The following RBM19 variants were observed in gnomAD, a reference collection of about 807,000 sequenced individuals.
The protein encoded by RBM19 is probable RNA-binding protein 19.
Under a neutral mutation model 116.8 loss-of-function variants are expected in RBM19, and 94 were observed. That is an observed-to-expected ratio of 0.80 (90% CI 0.68 to 0.95). The LOEUF is 0.95. Among genes scored for constraint, RBM19 ranks in the 40% least tolerant of loss-of-function variants. The pLI, the probability that RBM19 is intolerant of heterozygous loss-of-function variation, is 0.00. For missense variants in RBM19, 1,161 were observed against 1,220.7 expected, an observed-to-expected ratio of 0.95 and a Z score of 0.73; for synonymous variants, 475 against 494.1, an observed-to-expected ratio of 0.96 and a Z score of 0.51.
chr12:113,914,101 G>A (rs528622182), intron 21 of RBM19, among the ~76,000 whole-genome samples: 1 of 152,360 alleles, frequency 6.6e-6, no homozygotes, highest in African/African-American at 2.4e-5. Context: ...TCACCAACTA[G>A]GGGCCCTGGG....
chr12:113,929,260 C>T (rs1869392551), intron 16 of RBM19, among the ~76,000 whole-genome samples: 1 of 152,220 alleles, frequency 6.6e-6, no homozygotes, highest in East Asian at 1.9e-4. Flanking sequence ...CTAATGCTTT[C>T]AAGTCCTAAT....
intron 21 of RBM19, among the ~76,000 whole-genome samples, chr12:113,864,123 G>A (rs28583297): frequency 1.6e-4 from 24 of 152,298 alleles, no homozygotes; most frequent in African/African-American, 5.8e-4. Flanking sequence ...CTTGCCCAAG[G>A]TTCCATGGGC....
chr12:113,930,718 C>T (rs1156337761), intron 16 of RBM19, among the ~76,000 whole-genome samples: 1 of 152,216 alleles, frequency 6.6e-6, no homozygotes, highest in Non-Finnish European at 1.5e-5. Flanking sequence ...ACCCCGGAGA[C>T]GTCCGTTCTT....
At chr12:113,833,249 G>T (rs1875588723) in intron 23 of RBM19, among the ~76,000 whole-genome samples, 1 of 152,156 alleles carries the variant, frequency 6.6e-6, no homozygotes, top group Non-Finnish European at 1.5e-5. Flanking sequence ...TTTTTCTCCT[G>T]CCTTCCAGAA....
intron 21 of RBM19, among the ~76,000 whole-genome samples, chr12:113,870,953 G>C (rs1249396584): frequency 6.6e-6 from 1 of 152,186 alleles, no homozygotes; most frequent in Non-Finnish European, 1.5e-5. Flanking sequence ...CTCTATGACA[G>C]GGGCCCTCCA....
intron 1 of RBM19, among the ~76,000 whole-genome samples, chr12:113,965,109 C>T (rs964900490): frequency 6.6e-6 from 1 of 151,598 alleles, no homozygotes; most frequent in Non-Finnish European, 1.5e-5. Flanking sequence ...CATGTCTCTA[C>T]TAAAAATAAA....
chr12:113,858,956 A>T (rs1177576695), intron 21 of RBM19, 60 bp from the exon 22 acceptor site: 8 of 1,462,840 alleles, frequency 5.5e-6, no homozygotes, highest in African/African-American at 1.4e-5. Flanking sequence ...GGAGGTCGGG[A>T]AGGCAGGACT....
At chr12:113,817,610 C>T (rs1286856419), downstream of RBM19, 2 of 152,280 alleles carry the variant, frequency 1.3e-5, no homozygotes, top group African/African-American at 2.4e-5. Flanking sequence ...GGCAGACCTC[C>T]GGGCCTGGCT....
chr12:113,895,512 CAG>C (rs773043439), intron 21 of RBM19, among the ~76,000 whole-genome samples: 38 of 152,202 alleles, frequency 2.5e-4, no homozygotes, highest in Non-Finnish European at 4.0e-4. Context: ...AGACACATGT[CAG>C]AGAGGGGAAG....
intron 15 of RBM19, 66 bp from the exon 16 acceptor site, chr12:113,937,202 T>A: frequency 6.3e-7 from 1 of 1,578,374 alleles, no homozygotes; most frequent in African/African-American, 1.4e-5. Context: ...AGGGACTCAG[T>A]CCCATGCAGA....
chr12:113,853,297 C>A (rs1593485006), intron 22 of RBM19, among the ~76,000 whole-genome samples: 1 of 152,332 alleles, frequency 6.6e-6, no homozygotes, highest in South Asian at 2.1e-4. Context: ...GCTCTGCCTG[C>A]CAACGCCAAC....
intron 13 of RBM19, among the ~76,000 whole-genome samples, chr12:113,942,767 C>A (rs1870691676): frequency 2.0e-5 from 3 of 152,096 alleles, no homozygotes; most frequent in Admixed American, 2.0e-4. Context: ...CACCCCACCA[C>A]TTCCAGCTCA....
chr12:113,849,874 G>A (rs1161069205), intron 22 of RBM19, among the ~76,000 whole-genome samples: 1 of 152,194 alleles, frequency 6.6e-6, no homozygotes, highest in Admixed American at 6.5e-5. Context: ...AGTGTGACCA[G>A]GGCTCCCTTG....
In RBM19 at chr12:113,892,618, C is replaced by T. The variant is rs111954965; in HGVS notation, c.2558+22351G>A. Among the ~76,000 whole-genome samples, 796 of 152,142 alleles carry T rather than the reference C, an allele frequency of 5.2e-3. 7 individuals carry two copies. Among genetic ancestry groups the T allele is most frequent in the African/African-American group, 0.018 (742 of 41,500 alleles). ...AGTATTGTCCTGGCTTCGTTTAATGCGATTAGGTTTTTAAAAGGGTCAGCT... is the reference window on the plus strand; with the variant it reads ...AGTATTGTCCTGGCTTCGTTTAATGTGATTAGGTTTTTAAAAGGGTCAGCT... On this transcript the variant is annotated intron_variant, in intron 21 of 23. Transcript: ENST00000261741.
rs200922091 is a variant in RBM19 at position 113,955,094 on chromosome 12, C to T, written c.921+37G>A. The T allele has an allele frequency of 2.7e-3, 4,281 of 1,603,548 alleles. 10 individuals carry two copies. The highest frequency in any genetic ancestry group is 5.7e-3 in the South Asian group (515 of 90,834). ...CCTCCCCACCCTCGTCTCCTGCTCC[C>T]GCAGGCTGCCGACCCTTGTCCTCAG... On this transcript the variant is annotated intron_variant, in intron 7 of 23. Transcript: ENST00000261741.
At chr12:113,915,982 G>A (rs947457999) in intron 20 of RBM19, among the ~76,000 whole-genome samples, 13 of 152,074 alleles carry the variant, frequency 8.5e-5, no homozygotes, top group African/African-American at 3.1e-4. Flanking sequence ...TTCTCTTCCT[G>A]GCACTGATCC....
intron 19 of RBM19, among the ~76,000 whole-genome samples, chr12:113,919,053 C>A (rs1309405686): frequency 6.6e-6 from 1 of 152,086 alleles, no homozygotes; most frequent in African/African-American, 2.4e-5. Flanking sequence ...TCTTATATCG[C>A]GTGAAAGAGA....
rs182645830 is a variant in RBM19 at position 113,920,374 on chromosome 12, G to A, written c.2385+237C>T. Among the ~76,000 whole-genome samples, 25 of 152,340 alleles carry A rather than the reference G, an allele frequency of 1.6e-4. No individual in the cohort carries two copies. The East Asian group carries it at 3.9e-3, about 23-fold the overall frequency. Reference sequence around the variant, plus strand: ...AGGCCTACCACCACCCCTGGCTCACGTCAGGCCCTTGATAATAGTGCTGTG... The same window carrying A: ...AGGCCTACCACCACCCCTGGCTCACATCAGGCCCTTGATAATAGTGCTGTG... On this transcript the variant is annotated intron_variant, in intron 19 of 23. Coordinates refer to ENST00000261741, the MANE Select transcript of RBM19 (RefSeq NM_016196.4).
In RBM19 at chr12:113,962,320, A is replaced by G; in HGVS notation, c.131T>C (p.Phe44Ser). 1 of 1,614,204 alleles carries G rather than the reference A, an allele frequency of 6.2e-7. No homozygotes were observed. ...KFTKDGKFRKFGFIGFKSEEE... is the reference protein window; with the variant it reads ...KFTKDGKFRKSGFIGFKSEEE... ...CTCGGACTTGAAGCCAATAAAACCA[A>G]ACTTGCGGAACTTGCCATCTTTGGT... The change falls in exon 2 of 24, where the codon TTT (phenylalanine) becomes TCT (serine). Residue 44 changes from phenylalanine (F) to serine (S), a missense_variant. Phe to Ser is a radical substitution (Grantham distance 155). Coordinates refer to ENST00000261741, the MANE Select transcript of RBM19 (RefSeq NM_016196.4).
Sources: allele counts gnomAD v4.1 joint callset (sites outside exome capture counted in the v4.1 genomes callset), GRCh38; gene constraint gnomAD v4.1.1; transcripts MANE v1.5; gene names NCBI Gene and HGNC (gene_info 2026-07-23, HGNC 2026-07-21).